The following IFT122 variants were observed in gnomAD, a reference collection of about 807,000 sequenced individuals.
IFT122 encodes intraflagellar transport protein 122 homolog.
Under a neutral mutation model 161.6 loss-of-function variants are expected in IFT122, and 118 were observed. The ratio of observed to expected loss-of-function variants is 0.73; its 90% CI spans 0.63 to 0.85. The LOEUF (loss-of-function observed/expected upper bound fraction) is 0.85, where lower values mean the gene tolerates loss of function less well. Ranked by LOEUF, IFT122 falls within the 40% of genes least tolerant of loss-of-function variation. The pLI is 0.00. For missense variants in IFT122, 1,381 were observed against 1,579.6 expected (o/e 0.87, Z 2.13); for synonymous variants, 550 against 602.4 (o/e 0.91, Z 1.27).
intron 5 of IFT122, chr3:129,462,989 A>G (rs1207712585): frequency 1.3e-5 from 2 of 154,334 alleles, no homozygotes; most frequent in Admixed American, 1.3e-4. Flanking sequence ...ATAAACAATG[A>G]AACTGTCATT....
chr3:129,446,800 A>AT (rs2074059243), intron 1 of IFT122, among the ~76,000 whole-genome samples: 1 of 152,058 alleles, frequency 6.6e-6, no homozygotes, highest in Non-Finnish European at 1.5e-5. Context: ...ACAGAGTTTG[A>AT]TTTTTTGTTG....
At chr3:129,488,229 C>G (rs775491091) in intron 15 of IFT122, 28 bp from the exon 16 acceptor site, 7 of 1,613,818 alleles carry the variant, frequency 4.3e-6, no homozygotes, top group Non-Finnish European at 5.1e-6. Context: ...AAACAGTCTT[C>G]TTTTTTTCCC....
At chr3:129,491,190 G>C (rs2080039008) in intron 16 of IFT122, among the ~76,000 whole-genome samples, 1 of 152,192 alleles carries the variant, frequency 6.6e-6, no homozygotes, top group African/African-American at 2.4e-5. Context: ...CCGGGGACTT[G>C]CTCATCTCCC....
chr3:129,497,315 A>G (rs1322007340), intron 18 of IFT122, among the ~76,000 whole-genome samples: 1 of 152,186 alleles, frequency 6.6e-6, no homozygotes, highest in African/African-American at 2.4e-5. Flanking sequence ...AGCTGGTGTG[A>G]GTGCAGTTTC....
rs139722192 is a variant in IFT122, at chr3:129,488,313, T to C, written c.1908T>C (p.Ile636=). Residue 636 remains isoleucine, a synonymous_variant, in exon 16 of 30, where the codon ATT becomes ATC. Transcript: ENST00000348417. ...AACTGTTCAAGGAAGCCTACCAGAT[T>C]GCTTGCTTGGGTGTCACAGACACTG... ...DRKLFKEAYQ[I]ACLGVTDTDW... 5.6e-4 allele frequency: 903 copies of C among 1,614,188 alleles called. 5 individuals are homozygous for C. In the African/African-American group the frequency reaches 0.011, roughly 20 times the overall value.
chr3:129,451,812 T>C, intron 2 of IFT122, 102 bp from the exon 3 acceptor site: 4 of 943,328 alleles, frequency 4.2e-6, no homozygotes, highest in Non-Finnish European at 5.2e-6. Context: ...ATTTAGAATA[T>C]TGACACGTAT....
At position 129,514,382 on chromosome 3, in the gene IFT122, A is replaced by G. The variant is rs1265412526; in HGVS notation, c.2988-7A>G. The G allele has an allele frequency of 6.2e-7, 1 of 1,613,910 alleles. No individual in the cohort carries two copies. The highest frequency in any genetic ancestry group is 1.7e-5 in the Admixed American group (1 of 60,002). On this transcript the variant is annotated splice_region_variant and splice_polypyrimidine_tract_variant and intron_variant, in intron 24 of 29. Coordinates refer to ENST00000348417, the MANE Select transcript of IFT122 (RefSeq NM_052989.3). ...GCCCCTGCTGTCCTTAACCCTGTTC[A>G]CGGCAGGAAAATACTCTTCACCTTG...
chr3:129,508,723 G>A (rs748413611), intron 23 of IFT122, among the ~76,000 whole-genome samples: 3 of 152,212 alleles, frequency 2.0e-5, no homozygotes. Context: ...GCATCCTGCT[G>A]GTTGTGGAAG....
chr3:129,470,420 C>T (rs1267456095), intron 9 of IFT122, among the ~76,000 whole-genome samples: 3 of 151,214 alleles, frequency 2.0e-5, no homozygotes, highest in African/African-American at 4.9e-5. Context: ...CCCACCACCA[C>T]GCCTGGCTAA....
chr3:129,514,802 C>G, intron 25 of IFT122: 1 of 595,664 alleles, frequency 1.7e-6, no homozygotes, highest in Non-Finnish European at 3.0e-6. Context: ...CCTGGCCTCC[C>G]TTGCTCCTTG....
At chr3:129,477,373 C>G (rs1274529651) in intron 11 of IFT122, among the ~76,000 whole-genome samples, 2 of 152,238 alleles carry the variant, frequency 1.3e-5, no homozygotes, top group African/African-American at 2.4e-5. Flanking sequence ...ACTCAATCCA[C>G]TTACTTCAGG....
At chr3:129,480,239 A>G (rs2078481212) in intron 13 of IFT122, among the ~76,000 whole-genome samples, 1 of 152,320 alleles carries the variant, frequency 6.6e-6, no homozygotes, top group African/African-American at 2.4e-5. Flanking sequence ...GTGGATTTCT[A>G]GAGGGAGGCA....
intron 3 of IFT122, among the ~76,000 whole-genome samples, chr3:129,454,641 C>T (rs1335758740): frequency 6.6e-6 from 1 of 151,036 alleles, no homozygotes; most frequent in Non-Finnish European, 1.5e-5. Context: ...TCTGTCTCAT[C>T]CTAGTGGCTG....
At chr3:129,459,882 T>C (rs2076039476) in intron 4 of IFT122, among the ~76,000 whole-genome samples, 1 of 151,784 alleles carries the variant, frequency 6.6e-6, no homozygotes, top group Admixed American at 6.6e-5. Flanking sequence ...GCTTCCCAAA[T>C]AGCTGGAACT....
Position 129,476,679 on chromosome 3 carries a change from A to T in IFT122, c.1025A>T (p.Asp342Val), listed in dbSNP as rs1195894937. The T allele has an allele frequency of 1.6e-5, 26 of 1,614,062 alleles. No homozygotes were observed. In the East Asian group the frequency reaches 5.8e-4, roughly 36 times the overall value. The change falls in exon 11 of 30, where the codon GAC becomes GTC. Residue 342 changes from aspartate (D) to valine (V), a missense_variant. Transcript: ENST00000348417. ...ACCCCGCAGGTGGTCGGCTGCCAGG[A>T]CGGCACCATTTCCTTCTACCAGCTT... ...DSNYVVVGCQDGTISFYQLIF... is the reference protein window; with the variant it reads ...DSNYVVVGCQVGTISFYQLIF...
At chr3:129,456,964 G>A (rs1236497311) in intron 3 of IFT122, among the ~76,000 whole-genome samples, 1 of 152,182 alleles carries the variant, frequency 6.6e-6, no homozygotes, top group Non-Finnish European at 1.5e-5. Flanking sequence ...CCCATAAAAA[G>A]ACTCTGAGGA....
At chr3:129,511,584 A>G (rs1291076488) in intron 23 of IFT122, among the ~76,000 whole-genome samples, 1 of 152,244 alleles carries the variant, frequency 6.6e-6, no homozygotes, top group Non-Finnish European at 1.5e-5. Context: ...CTTCAAAATA[A>G]GGTATTCTTA....
chr3:129,492,995 A>C (rs1205992961), intron 17 of IFT122, among the ~76,000 whole-genome samples: 1 of 151,230 alleles, frequency 6.6e-6, no homozygotes, highest in Admixed American at 6.6e-5. Flanking sequence ...TTTTTTGTAT[A>C]TTTTTTAGAG....
chr3:129,517,318 C>A, intron 26 of IFT122, 151 bp from the exon 27 acceptor site: 3 of 892,474 alleles, frequency 3.4e-6, no homozygotes, highest in East Asian at 2.9e-5. Flanking sequence ...TGCTCCTGCA[C>A]ACACATACAG....
Sources: allele counts gnomAD v4.1 joint callset (sites outside exome capture counted in the v4.1 genomes callset), GRCh38; gene constraint gnomAD v4.1.1; transcripts MANE v1.5; gene names NCBI Gene and HGNC (gene_info 2026-07-23, HGNC 2026-07-21).